The following GPHN variants were observed in gnomAD, a reference collection of about 807,000 sequenced individuals.
GPHN encodes gephyrin.
Under a neutral mutation model 95.5 loss-of-function variants are expected in GPHN, and 17 were observed. That is an observed-to-expected ratio of 0.18 (90% CI 0.12 to 0.27). The LOEUF (loss-of-function observed/expected upper bound fraction) is 0.27, where lower values mean the gene tolerates loss of function less well. GPHN is among the 10% of genes least tolerant of loss of function. The pLI is 1.00. For missense variants in GPHN, 660 were observed against 978.1 expected (o/e 0.67, Z 4.34); for synonymous variants, 320 against 322.5 (o/e 0.99, Z 0.08).
At chr14:67,398,501 A>C in the GPHN span, among the ~76,000 whole-genome samples, 1 of 151,842 alleles carries the variant, frequency 6.6e-6, no homozygotes, top group Non-Finnish European at 1.5e-5. Flanking sequence ...CCACCTGAGA[A>C]CCACCTAAAT....
In GPHN at chr14:66,731,417, G is replaced by C. The variant is rs565231079; in HGVS notation, c.144-45047G>C. Among the ~76,000 whole-genome samples the C allele has an allele frequency of 5.3e-5, 8 of 152,342 alleles. 1 individual carries two copies. In the South Asian group the frequency reaches 6.2e-4, roughly 12 times the overall value. ...TGCTGACAATGAGGTGGCCAATGAA[G>C]TCCAGGCTGAGGTGATCTCAGATGG... On this transcript the variant is annotated intron_variant, in intron 2 of 22. Coordinates refer to ENST00000478722, the MANE Select transcript of GPHN (RefSeq NM_020806.5).
chr14:67,656,684 T>C, the GPHN span: 7 of 1,313,306 alleles, frequency 5.3e-6, no homozygotes, highest in South Asian at 1.7e-5. Flanking sequence ...AGAAGGGATA[T>C]AGTGAGCAAT....
At chr14:67,552,665 G>A in the GPHN span, among the ~76,000 whole-genome samples, 6 of 152,014 alleles carry the variant, frequency 3.9e-5, no homozygotes, top group African/African-American at 1.4e-4. Context: ...TACTCGGGAG[G>A]CTAAGGCAGG....
chr14:66,928,839 T>C (rs1300236776), intron 8 of GPHN, among the ~76,000 whole-genome samples: 1 of 152,182 alleles, frequency 6.6e-6, no homozygotes, highest in African/African-American at 2.4e-5. Context: ...AAGTTTTTTT[T>C]ATTGATTTCT....
At chr14:67,733,402 T>C in the GPHN span, among the ~76,000 whole-genome samples, 1 of 152,240 alleles carries the variant, frequency 6.6e-6, no homozygotes, top group African/African-American at 2.4e-5. Context: ...TAGTGATACC[T>C]GTGACTTTGT....
At chr14:67,674,408 C>T in the GPHN span, 1 of 1,605,780 alleles carries the variant, frequency 6.2e-7, no homozygotes, top group Non-Finnish European at 8.5e-7. Flanking sequence ...CGCTCGGGCA[C>T]CCCTTGTAGG....
chr14:67,651,481 T>A, the GPHN span: 3 of 1,613,586 alleles, frequency 1.9e-6, no homozygotes, highest in Non-Finnish European at 2.5e-6. Context: ...TGGTTGTCAC[T>A]CTACAAAGAG....
the GPHN span, among the ~76,000 whole-genome samples, chr14:67,451,383 C>A: frequency 6.6e-6 from 1 of 151,988 alleles, no homozygotes; most frequent in South Asian, 2.1e-4. Flanking sequence ...AGCTTGCACC[C>A]GTCACCTGGA....
intron 4 of GPHN, among the ~76,000 whole-genome samples, chr14:66,835,897 A>C (rs1428637847): frequency 6.6e-6 from 1 of 150,558 alleles, no homozygotes; most frequent in Non-Finnish European, 1.5e-5. Flanking sequence ...GATGTGAAGG[A>C]CCTCTTCAAG....
the GPHN span, among the ~76,000 whole-genome samples, chr14:67,531,745 T>TC: frequency 9.1e-6 from 1 of 110,116 alleles, no homozygotes; most frequent in Admixed American, 8.6e-5. Context: ...AAAAAAAAAA[T>TC]TTTTTTTTTT....
the GPHN span, among the ~76,000 whole-genome samples, chr14:67,672,595 AC>A: frequency 6.6e-6 from 1 of 151,300 alleles, no homozygotes; most frequent in Non-Finnish European, 1.5e-5. Context: ...GGCAACTGAC[AC>A]CATGCCCGGC....
intron 2 of GPHN, among the ~76,000 whole-genome samples, chr14:66,682,055 TA>T (rs1566810249): frequency 6.6e-6 from 1 of 152,224 alleles, no homozygotes; most frequent in African/African-American, 2.4e-5. Context: ...AACACAAGAA[TA>T]TCTTGAACTT....
At chr14:67,630,576 A>C in the GPHN span, among the ~76,000 whole-genome samples, 1 of 152,058 alleles carries the variant, frequency 6.6e-6, no homozygotes, top group Non-Finnish European at 1.5e-5. Flanking sequence ...TATAGTTTTT[A>C]TGTTTATTTA....
At chr14:67,012,573 G>A (rs1232606326) in intron 9 of GPHN, among the ~76,000 whole-genome samples, 2 of 152,056 alleles carry the variant, frequency 1.3e-5, no homozygotes, top group African/African-American at 4.8e-5. Flanking sequence ...ATTTCAGTCT[G>A]GATTTCGGTA....
At chr14:66,510,100 T>C (rs2057981269) in intron 1 of GPHN, among the ~76,000 whole-genome samples, 1 of 152,228 alleles carries the variant, frequency 6.6e-6, no homozygotes, top group Non-Finnish European at 1.5e-5. Context: ...CGCTGTTCTC[T>C]TCTTTTGGTC....
chr14:66,817,235 A>G (rs2061007663), intron 3 of GPHN, among the ~76,000 whole-genome samples: 1 of 151,938 alleles, frequency 6.6e-6, no homozygotes, highest in Non-Finnish European at 1.5e-5. Context: ...GTATGTGTAT[A>G]CATATATATA....
the GPHN span, chr14:67,223,978 C>G: frequency 1.0e-6 from 1 of 984,626 alleles, no homozygotes. Flanking sequence ...AGGCGGAAAT[C>G]AGAATAATAA....
In GPHN at chr14:66,920,992, C is replaced by T. The variant is rs2066185215; in HGVS notation, c.457-1674C>T. On this transcript the variant is annotated intron_variant, in intron 6 of 22. Transcript: ENST00000478722. ...ATATAAAATAGTTTCTTTATCCACTCATTGATTGATGGGCATTTGGGTTGG... is the reference window on the plus strand; with the variant it reads ...ATATAAAATAGTTTCTTTATCCACTTATTGATTGATGGGCATTTGGGTTGG... Among the ~76,000 whole-genome samples, 4 of 152,232 alleles carry T rather than the reference C, an allele frequency of 2.6e-5. No homozygotes were observed. The South Asian group carries it at 8.3e-4, about 32-fold the overall frequency.
chr14:67,515,135 G>T, the GPHN span: 1 of 152,488 alleles, frequency 6.6e-6, no homozygotes, highest in Non-Finnish European at 1.5e-5. Flanking sequence ...CCGGCCGCCT[G>T]CCAGGCGCAG....
Sources: allele counts gnomAD v4.1 joint callset (sites outside exome capture counted in the v4.1 genomes callset), GRCh38; gene constraint gnomAD v4.1.1; transcripts MANE v1.5; gene names NCBI Gene and HGNC (gene_info 2026-07-23, HGNC 2026-07-21).